The following ANKRD10 variants were observed in gnomAD, a reference collection of about 807,000 sequenced individuals.
ANKRD10 encodes ankyrin repeat domain-containing protein 10.
In ANKRD10, 14 loss-of-function variants were observed where a neutral mutation model predicts 27.0. The ratio of observed to expected loss-of-function variants is 0.52; its 90% CI spans 0.34 to 0.81. The LOEUF is 0.81. Among genes scored for constraint, ANKRD10 ranks in the 40% least tolerant of loss-of-function variants. ANKRD10 has a pLI of 0.01. For synonymous variants in ANKRD10, 250 were observed against 224.5 expected (o/e 1.11, Z -1.01); for missense variants, 493 against 544.0 (o/e 0.91, Z 0.93).
rs767561090 is a variant in ANKRD10 at position 110,883,785 on chromosome 13, A to G, written c.700T>C (p.Leu234=). 6.2e-7 allele frequency: 1 copy of G among 1,614,124 alleles called. No individual in the cohort carries two copies. Among genetic ancestry groups the G allele is most frequent in the South Asian group, 1.1e-5 (1 of 91,074 alleles). The change falls in exon 5 of 6, where the codon TTG becomes CTG. Residue 234 remains leucine, a synonymous_variant. Transcript: ENST00000267339. ...TTCGTGAGTGGCACGGCAGAATCCA[A>G]GCTTTGAGCTGCACAGAAAACAAAG... ...VKKARTEAQS[L]DSAVPLTNGD...
intron 4 of ANKRD10, among the ~76,000 whole-genome samples, chr13:110,888,409 A>G (rs964974812): frequency 1.3e-5 from 2 of 151,328 alleles, no homozygotes; most frequent in African/African-American, 4.9e-5. Flanking sequence ...AAAAACAATC[A>G]CTCCTTATTT....
intron 4 of ANKRD10, among the ~76,000 whole-genome samples, chr13:110,891,853 T>C (rs1443922610): frequency 7.7e-6 from 1 of 129,420 alleles, no homozygotes; most frequent in Non-Finnish European, 1.8e-5. Context: ...AGCTATCACA[T>C]TTACCTTCTT....
chr13:110,911,243 A>G (rs1341290547), intron 1 of ANKRD10, among the ~76,000 whole-genome samples: 143 of 122,574 alleles, frequency 1.2e-3, no homozygotes, highest in Middle Eastern at 0.015. Context: ...TGAGGTCAGG[A>G]ATTCGAAACC....
intron 1 of ANKRD10, chr13:110,911,867 T>C (rs765411599): frequency 6.6e-6 from 1 of 152,228 alleles, no homozygotes; most frequent in Non-Finnish European, 1.5e-5. Context: ...TTCTATAGTG[T>C]GCACAACTGT....
intron 4 of ANKRD10, among the ~76,000 whole-genome samples, chr13:110,887,877 CTT>C (rs1006664227): frequency 6.6e-6 from 1 of 152,204 alleles, no homozygotes; most frequent in Non-Finnish European, 1.5e-5. Context: ...CCTGCTGCTG[CTT>C]CCACTGGGGA....
chr13:110,908,002 T>C (rs1388484918), intron 2 of ANKRD10, among the ~76,000 whole-genome samples: 1 of 152,054 alleles, frequency 6.6e-6, no homozygotes, highest in East Asian at 1.9e-4. Context: ...GGACAATCTT[T>C]AGGGGCAGAG....
intron 1 of ANKRD10, among the ~76,000 whole-genome samples, chr13:110,912,059 T>C (rs573100454): frequency 1.3e-5 from 2 of 152,346 alleles, no homozygotes; most frequent in Admixed American, 6.5e-5. Flanking sequence ...ACCAATACCA[T>C]GATAGCCTCT....
intron 2 of ANKRD10, among the ~76,000 whole-genome samples, chr13:110,907,030 C>T (rs972908569): frequency 1.3e-5 from 2 of 152,058 alleles, no homozygotes; most frequent in African/African-American, 2.4e-5. Context: ...AAGTGCTTTC[C>T]GGTGGAAAAT....
At chr13:110,903,718 CTGATA>C (rs1274880530) in intron 3 of ANKRD10, among the ~76,000 whole-genome samples, 9 of 152,072 alleles carry the variant, frequency 5.9e-5, no homozygotes, top group Non-Finnish European at 1.2e-4. Context: ...TTTAATAATA[CTGATA>C]TAAGGCAGCT....
chr13:110,890,280 A>AG (rs1242113542), intron 4 of ANKRD10, among the ~76,000 whole-genome samples: 1 of 152,222 alleles, frequency 6.6e-6, no homozygotes, highest in African/African-American at 2.4e-5. Context: ...GGTAATTGGC[A>AG]GAAAAAAAAA....
intron 4 of ANKRD10, among the ~76,000 whole-genome samples, chr13:110,890,525 G>A (rs747702726): frequency 1.3e-5 from 2 of 152,172 alleles, no homozygotes; most frequent in Non-Finnish European, 2.9e-5. Context: ...AGAACCATCA[G>A]AAGTTCCAGG....
In ANKRD10 at chr13:110,910,633, G is replaced by A. The variant is rs2065669636; in HGVS notation, c.348C>T (p.Ala116=). Reference sequence around the variant, plus strand: ...GCACTCTTACCGGTTTGTTAATGTTGGCTCCTGCTTGAATCAGCCAGACCA... The same window carrying A: ...GCACTCTTACCGGTTTGTTAATGTTAGCTCCTGCTTGAATCAGCCAGACCA... ...QCLVWLIQAG[A]NINKPDCEGE... The change falls in exon 2 of 6, where the codon GCC becomes GCT. Residue 116 remains alanine (A), a synonymous_variant. Coordinates refer to ENST00000267339, the MANE Select transcript of ANKRD10 (RefSeq NM_017664.4). The A allele has an allele frequency of 1.2e-6, 2 of 1,613,772 alleles. No individual in the cohort carries two copies. The highest frequency in any genetic ancestry group is 1.7e-6 in the Non-Finnish European group (2 of 1,180,004).
intron 4 of ANKRD10, among the ~76,000 whole-genome samples, chr13:110,891,278 A>C (rs1050432030): frequency 6.6e-6 from 1 of 152,216 alleles, no homozygotes; most frequent in Non-Finnish European, 1.5e-5. Context: ...ATTTTTTTAA[A>C]AAGTGGATGC....
Position 110,879,838 on chromosome 13 carries a change from T to C in ANKRD10, c.1062A>G (p.Pro354=). 6.2e-7 allele frequency: 1 copy of C among 1,614,246 alleles called. No homozygotes were observed. ...LCGSLHLNGS[P]SSCIASRPSW... is the part of the protein sequence containing the mutation. ...AAGGCCTACTGGCTATGCAGCTACT[T>C]GGACTCCCGTTCAGGTGCAGAGAAC... Residue 354 remains proline (P), a synonymous_variant, in exon 6 of 6, where the codon CCA becomes CCG. Coordinates refer to ENST00000267339, the MANE Select transcript of ANKRD10 (RefSeq NM_017664.4).
At chr13:110,914,192 A>T (rs781211325) in intron 1 of ANKRD10, among the ~76,000 whole-genome samples, 10 of 152,046 alleles carry the variant, frequency 6.6e-5, no homozygotes, top group Non-Finnish European at 1.3e-4. Flanking sequence ...GCTCGTCCGC[A>T]GCGCGGCCCT....
At chr13:110,885,377 A>C (rs997547138) in intron 4 of ANKRD10, among the ~76,000 whole-genome samples, 13 of 151,978 alleles carry the variant, frequency 8.6e-5, no homozygotes, top group Non-Finnish European at 1.5e-4. Context: ...ATGCTGAATA[A>C]ATACTACTAA....
chr13:110,906,284 A>C (rs1337006089), intron 2 of ANKRD10, among the ~76,000 whole-genome samples, 160 bp from the exon 3 acceptor site: 2 of 152,190 alleles, frequency 1.3e-5, no homozygotes, highest in African/African-American at 4.8e-5. Context: ...CTATACGTGA[A>C]TGGAGGATGA....
Position 110,888,645 on chromosome 13 carries a change from T to A in ANKRD10, c.691+4383A>T, listed in dbSNP as rs145173116. On this transcript the variant is annotated intron_variant, in intron 4 of 5. Transcript: ENST00000267339. ...ACAAACCAGCTGGTCATATCTGCCC[T>A]CCTTTACCAAGTCTTTAACCCTGCT... 1.9e-3 allele frequency among the ~76,000 whole-genome samples: 288 copies of A among 152,274 alleles called. 3 individuals are homozygous for A. Among genetic ancestry groups the A allele is most frequent in the Middle Eastern group, 3.4e-3 (1 of 294 alleles).
intron 1 of ANKRD10, among the ~76,000 whole-genome samples, chr13:110,914,060 A>C (rs1301007339): frequency 6.6e-6 from 1 of 152,276 alleles, no homozygotes; most frequent in South Asian, 2.1e-4. Context: ...GCCGTCACTA[A>C]TTTTGCTGAA....
Sources: allele counts gnomAD v4.1 joint callset (sites outside exome capture counted in the v4.1 genomes callset), GRCh38; gene constraint gnomAD v4.1.1; transcripts MANE v1.5; gene names NCBI Gene and HGNC (gene_info 2026-07-23, HGNC 2026-07-21).